ITIH5: variants seen among roughly 807,000 people sequenced by gnomAD.
ITIH5 encodes inter-alpha-trypsin inhibitor heavy chain H5.
ITIH5 carries 65 observed loss-of-function variants against 77.5 expected under a neutral mutation model. That is an observed-to-expected ratio of 0.84 (90% CI 0.69 to 1.03). ITIH5 has a LOEUF of 1.03. Among genes scored for constraint, ITIH5 ranks in the 50% least tolerant of loss-of-function variants. ITIH5 has a pLI of 0.00. For synonymous variants in ITIH5, 525 were observed against 494.3 expected, an observed-to-expected ratio of 1.06 and a Z score of -0.82; for missense variants, 1,208 against 1,213.1, an observed-to-expected ratio of 1.00 and a Z score of 0.06.
intron 7 of ITIH5, among the ~76,000 whole-genome samples, chr10:7,608,727 G>T (rs529444886): frequency 6.6e-6 from 1 of 152,184 alleles, no homozygotes; most frequent in South Asian, 2.1e-4. Context: ...CCATCTGCAC[G>T]CACACTCGGA....
chr10:7,611,758 CT>C (rs1482461490), intron 7 of ITIH5, among the ~76,000 whole-genome samples: 1 of 151,600 alleles, frequency 6.6e-6, no homozygotes, highest in Admixed American at 6.6e-5. Flanking sequence ...GTTTTGTTTA[CT>C]TTTTTTTGTT....
chr10:7,566,836 GAGGAAGAGGAAGAA>G, intron 12 of ITIH5, among the ~76,000 whole-genome samples: 1 of 45,292 alleles, frequency 2.2e-5, no homozygotes, highest in Non-Finnish European at 4.2e-5. Flanking sequence ...GGAAGAGGAA[GAGGAAGAGGAAGAA>G]GAAGAAGAAG....
At chr10:7,661,456 G>A (rs930807735) in intron 1 of ITIH5, among the ~76,000 whole-genome samples, 1 of 152,084 alleles carries the variant, frequency 6.6e-6, no homozygotes, top group African/African-American at 2.4e-5. Flanking sequence ...ACAGAACAAA[G>A]GGCTAGATGT....
intron 7 of ITIH5, among the ~76,000 whole-genome samples, chr10:7,606,551 T>C (rs944202407): frequency 4.6e-5 from 7 of 152,098 alleles, no homozygotes; most frequent in Non-Finnish European, 7.4e-5. Flanking sequence ...GAGCTAAACA[T>C]TGAGTACACA....
chr10:7,658,427 A>C (rs553220995), intron 1 of ITIH5, among the ~76,000 whole-genome samples: 1 of 152,236 alleles, frequency 6.6e-6, no homozygotes, highest in African/African-American at 2.4e-5. Flanking sequence ...CCTGACTCCA[A>C]GTAAGAACCT....
intron 11 of ITIH5, chr10:7,572,623 C>G (rs1334341000): frequency 1.2e-5 from 5 of 426,362 alleles, no homozygotes; most frequent in Non-Finnish European, 2.0e-5. Context: ...TCCTGCCAGG[C>G]TTCCTGGGGA....
At chr10:7,644,429 T>TAG (rs1378262247) in intron 2 of ITIH5, among the ~76,000 whole-genome samples, 2 of 140,378 alleles carry the variant, frequency 1.4e-5, no homozygotes. Flanking sequence ...ATATCACATA[T>TAG]ATCATATATA....
At chr10:7,659,585 C>A (rs568050077) in intron 1 of ITIH5, among the ~76,000 whole-genome samples, 1 of 152,208 alleles carries the variant, frequency 6.6e-6, no homozygotes, top group Non-Finnish European at 1.5e-5. Context: ...AAGGAAAGCC[C>A]AGCCCCTCTC....
At chr10:7,655,581 A>G in intron 2 of ITIH5, 50 bp downstream of exon 2, 1 of 1,452,334 alleles carries the variant, frequency 6.9e-7, no homozygotes, top group Non-Finnish European at 9.7e-7. Context: ...TTCAAAATAA[A>G]TAGAAGAATG....
chr10:7,601,909 G>A (rs959557377), intron 7 of ITIH5, among the ~76,000 whole-genome samples: 7 of 152,198 alleles, frequency 4.6e-5, no homozygotes, highest in Admixed American at 3.3e-4. Context: ...CTGGAGTGCA[G>A]TGGCTCAATC....
chr10:7,597,998 T>C (rs1832941456), intron 7 of ITIH5, among the ~76,000 whole-genome samples: 2 of 152,120 alleles, frequency 1.3e-5, no homozygotes, highest in Admixed American at 6.5e-5. Context: ...CATATCATTG[T>C]TGTACTTCTA....
intron 5 of ITIH5, chr10:7,622,341 G>A (rs2131045100): frequency 6.6e-6 from 1 of 152,270 alleles, no homozygotes; most frequent in East Asian, 1.9e-4. Flanking sequence ...CTGAGCTTCA[G>A]TCCCACATCT....
intron 1 of ITIH5, among the ~76,000 whole-genome samples, chr10:7,657,883 C>T (rs2131110972): frequency 1.3e-5 from 2 of 152,308 alleles, no homozygotes; most frequent in Admixed American, 1.3e-4. Context: ...ATGACTGCTC[C>T]ATGAAGCCCA....
In ITIH5 at chr10:7,580,995, C is replaced by T. The variant is rs543946410; in HGVS notation, c.1109-931G>A. Among the ~76,000 whole-genome samples the T allele has an allele frequency of 3.8e-4, 58 of 152,288 alleles. No homozygotes were observed. The South Asian group carries it at 0.011, about 30-fold the overall frequency. On this transcript the variant is annotated intron_variant, in intron 8 of 13. Coordinates refer to ENST00000397146, the MANE Select transcript of ITIH5 (RefSeq NM_030569.7). ...TGGAGGCCAGCCAGGCACGGTGGCT[C>T]ATGCCTGTAATCCCAGCACTCTGGG...
At chr10:7,628,250 C>A (rs1415177169) in intron 5 of ITIH5, among the ~76,000 whole-genome samples, 2 of 152,222 alleles carry the variant, frequency 1.3e-5, no homozygotes, top group Admixed American at 1.3e-4. Context: ...CCCAAGGAAA[C>A]TCTGTAACCA....
chr10:7,593,772 A>T (rs1218767316), intron 7 of ITIH5, among the ~76,000 whole-genome samples: 1 of 133,902 alleles, frequency 7.5e-6, no homozygotes, highest in Admixed American at 7.4e-5. Context: ...ATCCCTACAG[A>T]CTGCAGCCAC....
chr10:7,665,206 A>G (rs1834342196), intron 1 of ITIH5, among the ~76,000 whole-genome samples: 1 of 152,230 alleles, frequency 6.6e-6, no homozygotes, highest in South Asian at 2.1e-4. Flanking sequence ...GCAAGTCCAT[A>G]GACTGTGAAG....
At chr10:7,611,982 G>A (rs1833255184) in intron 7 of ITIH5, among the ~76,000 whole-genome samples, 1 of 148,114 alleles carries the variant, frequency 6.8e-6, no homozygotes, top group South Asian at 2.1e-4. Flanking sequence ...TAACCCATTT[G>A]GAAATCTTAG....
chr10:7,600,665 C>T (rs905108809), intron 7 of ITIH5: 3 of 441,414 alleles, frequency 6.8e-6, no homozygotes, highest in Non-Finnish European at 1.4e-5. Flanking sequence ...CCTAGGGGTA[C>T]ACAAGGGACA....
Sources: allele counts gnomAD v4.1 joint callset (sites outside exome capture counted in the v4.1 genomes callset), GRCh38; gene constraint gnomAD v4.1.1; transcripts MANE v1.5; gene names NCBI Gene and HGNC (gene_info 2026-07-23, HGNC 2026-07-21).